REPS2: variants seen among roughly 807,000 people sequenced by gnomAD.
REPS2 encodes the protein ralBP1-associated Eps domain-containing protein 2.
In REPS2, 23 loss-of-function variants were observed where a neutral mutation model predicts 53.6. The observed-to-expected ratio is 0.43, with a 90% CI of 0.31 to 0.61. The LOEUF (loss-of-function observed/expected upper bound fraction) is 0.61, where lower values mean the gene tolerates loss of function less well. Among genes scored for constraint, REPS2 ranks in the 20% least tolerant of loss-of-function variants. The pLI, the probability that REPS2 is intolerant of heterozygous loss-of-function variation, is 0.11. For synonymous variants in REPS2, 238 were observed against 218.6 expected, an observed-to-expected ratio of 1.09 and a Z score of -0.78; for missense variants, 446 against 534.9, an observed-to-expected ratio of 0.83 and a Z score of 1.64.
intron 1 of REPS2, among the ~76,000 whole-genome samples, chrX:16,953,729 G>A (rs1308370749): frequency 9.0e-6 from 1 of 110,741 alleles, no homozygotes; most frequent in African/African-American, 3.3e-5. Flanking sequence ...TACTACTTAC[G>A]TTTACAATGA....
Position 17,101,465 on chromosome X carries a change from C to T in REPS2, c.1517-2253C>T, listed in dbSNP as rs771468004. Among the ~76,000 whole-genome samples, 3 of 111,505 alleles carry T rather than the reference C, an allele frequency of 2.7e-5. No homozygotes were observed. The East Asian group carries it at 8.4e-4, about 31-fold the overall frequency. On this transcript the variant is annotated intron_variant, in intron 13 of 17. Coordinates refer to ENST00000357277, the MANE Select transcript of REPS2 (RefSeq NM_004726.3). ...TCAATTGTGAGAAATTAAAACAATTCCATATTAAATGGCCTCAGTCTTTTA... is the reference window on the plus strand; with the variant it reads ...TCAATTGTGAGAAATTAAAACAATTTCATATTAAATGGCCTCAGTCTTTTA...
chrX:17,038,218 G>A (rs886316944), intron 5 of REPS2, among the ~76,000 whole-genome samples: 1 of 112,253 alleles, frequency 8.9e-6, no homozygotes, highest in East Asian at 2.8e-4. Context: ...TGCCCTAAAG[G>A]CCTTAAAACA....
At chrX:17,100,323 G>A (rs2062770610) in intron 13 of REPS2, 1 of 529,480 alleles carries the variant, frequency 1.9e-6, no homozygotes. Flanking sequence ...TCCATAGCGT[G>A]TGTGTAAAGG....
chrX:17,167,345 G>T, the REPS2 span, among the ~76,000 whole-genome samples: 3 of 111,280 alleles, frequency 2.7e-5, no homozygotes, highest in African/African-American at 9.8e-5. Flanking sequence ...GAAGAACATA[G>T]TAACAATTTT....
intron 8 of REPS2, among the ~76,000 whole-genome samples, chrX:17,057,941 A>G (rs2147943824): frequency 8.9e-6 from 1 of 112,114 alleles, no homozygotes; most frequent in South Asian, 3.7e-4. Context: ...CTAGGGTTAT[A>G]TTTAATACCT....
intron 6 of REPS2, among the ~76,000 whole-genome samples, chrX:17,051,641 A>G (rs1301714331): frequency 8.9e-6 from 1 of 112,230 alleles, no homozygotes; most frequent in Admixed American, 9.5e-5. Context: ...AATAATGCTG[A>G]TTTGAATATT....
intron 14 of REPS2, 44 bp from the exon 15 acceptor site, chrX:17,133,780 T>C (rs2063325294): frequency 1.4e-5 from 15 of 1,052,854 alleles, no homozygotes; most frequent in Non-Finnish European, 2.0e-5. Flanking sequence ...ATTTAGGTGA[T>C]TGTGGTTTTG....
intron 13 of REPS2, among the ~76,000 whole-genome samples, chrX:17,082,992 C>T (rs1018644656): frequency 8.1e-5 from 9 of 111,064 alleles, no homozygotes; most frequent in Admixed American, 4.8e-4. Context: ...TCAATCTTCC[C>T]TACGATTCTG....
chrX:17,020,965 G>T (rs2061568515), intron 2 of REPS2, among the ~76,000 whole-genome samples: 1 of 111,973 alleles, frequency 8.9e-6, no homozygotes, highest in African/African-American at 3.2e-5. Flanking sequence ...TGTGAACATA[G>T]CAACTAAAAG....
chrX:17,061,253 G>A (rs1388240783), intron 8 of REPS2, among the ~76,000 whole-genome samples: 1 of 112,107 alleles, frequency 8.9e-6, no homozygotes, highest in Non-Finnish European at 1.9e-5. Context: ...CTGTATGTAT[G>A]TATGCATGTA....
At chrX:17,186,828 T>C in the REPS2 span, among the ~76,000 whole-genome samples, 116 of 110,917 alleles carry the variant, frequency 1.0e-3, 1 homozygote, top group African/African-American at 3.5e-3. Context: ...GCTGACCTGA[T>C]TCAGTGGTAG....
intron 1 of REPS2, among the ~76,000 whole-genome samples, chrX:16,989,672 A>G (rs2061138262): frequency 8.9e-6 from 1 of 112,631 alleles, no homozygotes; most frequent in Non-Finnish European, 1.9e-5. Context: ...ACAGATAAGC[A>G]TGTGAAAAGA....
chrX:17,066,488 G>C (rs1301294254), intron 9 of REPS2, among the ~76,000 whole-genome samples: 1 of 111,951 alleles, frequency 8.9e-6, no homozygotes, highest in East Asian at 2.8e-4. Context: ...TTCTCCAAAG[G>C]GGCCTGATTT....
intron 1 of REPS2, 80 bp downstream of exon 1, chrX:16,947,214 G>A: frequency 1.1e-6 from 1 of 939,048 alleles, no homozygotes; most frequent in Middle Eastern, 4.7e-4. Flanking sequence ...GGGCGACAGG[G>A]CTGCCCCCAG....
At chrX:17,088,049 A>G (rs2062564932) in intron 13 of REPS2, among the ~76,000 whole-genome samples, 1 of 110,672 alleles carries the variant, frequency 9.0e-6, no homozygotes, top group Admixed American at 9.6e-5. Context: ...GTTTTTATAG[A>G]TTGCCTTCCT....
chrX:16,995,946 C>T (rs2147773058), intron 1 of REPS2, among the ~76,000 whole-genome samples: 1 of 111,512 alleles, frequency 9.0e-6, no homozygotes, highest in South Asian at 3.8e-4. Context: ...TTTATCAGAT[C>T]TGTCAGTGGA....
downstream of REPS2, among the ~76,000 whole-genome samples, chrX:17,157,514 C>A (rs766235808): frequency 8.9e-6 from 1 of 112,170 alleles, no homozygotes; most frequent in South Asian, 3.7e-4. Flanking sequence ...CAGTGTCTGG[C>A]AATGTCTGCA....
intron 13 of REPS2, among the ~76,000 whole-genome samples, chrX:17,090,601 T>A (rs189985433): frequency 8.9e-6 from 1 of 112,471 alleles, no homozygotes; most frequent in East Asian, 2.8e-4. Context: ...ATTGTTGAGT[T>A]GTATATTCTG....
chrX:17,063,528 T>A (rs1415278572), intron 9 of REPS2, among the ~76,000 whole-genome samples: 1 of 112,012 alleles, frequency 8.9e-6, no homozygotes, highest in Non-Finnish European at 1.9e-5. Context: ...TCTCTGCCAT[T>A]TTGCTTCTCT....
Sources: allele counts gnomAD v4.1 joint callset (sites outside exome capture counted in the v4.1 genomes callset), GRCh38; gene constraint gnomAD v4.1.1; transcripts MANE v1.5; gene names NCBI Gene and HGNC (gene_info 2026-07-23, HGNC 2026-07-21).